The following GRSF1 variants were observed in gnomAD, a reference collection of about 807,000 sequenced individuals.
The protein encoded by GRSF1 is G-rich RNA sequence binding factor 1.
In GRSF1, 50 loss-of-function variants were observed where a neutral mutation model predicts 51.1. That is an observed-to-expected ratio of 0.98 (90% CI 0.78 to 1.24). The LOEUF (loss-of-function observed/expected upper bound fraction) is 1.24, where lower values mean the gene tolerates loss of function less well. Ranked by LOEUF, GRSF1 falls within the 50% of genes most tolerant of loss-of-function variation. GRSF1 has a pLI of 0.00. For synonymous variants in GRSF1, 293 were observed against 253.3 expected (o/e 1.16, Z -1.49); for missense variants, 700 against 639.7 (o/e 1.09, Z -1.02).
In GRSF1 at chr4:70,826,166, C is replaced by G. The variant is rs776525283; in HGVS notation, c.1215G>C (p.Met405Ile). ...CATTGGCTTGGAAAGGTAATCCTCT[C>G]ATGTGGACAAAATGCAGAGAAGACG... ...GTTSSLHFVH[M>I]RGLPFQANAQ... The change falls in exon 7 of 10, where the codon ATG becomes ATC. Residue 405 changes from methionine to isoleucine, a missense_variant. Transcript: ENST00000254799. 4.3e-6 allele frequency: 7 copies of G among 1,611,966 alleles called. No individual in the cohort carries two copies. The highest frequency in any genetic ancestry group is 5.9e-6 in the Non-Finnish European group (7 of 1,178,624).
At chr4:70,839,280 G>C (rs574054033) in intron 1 of GRSF1, 191 bp downstream of exon 1, 2 of 1,494,790 alleles carry the variant, frequency 1.3e-6, no homozygotes, top group South Asian at 1.2e-5. Context: ...CAGAAGACCC[G>C]ACGCCTGGGA....
At chr4:70,836,664 T>C (rs1217506740) in intron 1 of GRSF1, among the ~76,000 whole-genome samples, 5 of 152,130 alleles carry the variant, frequency 3.3e-5, no homozygotes, top group African/African-American at 1.2e-4. Context: ...TTTGCCGCCC[T>C]CATCTGAAAT....
intron 5 of GRSF1, among the ~76,000 whole-genome samples, chr4:70,828,894 C>T (rs1733843913): frequency 1.3e-5 from 2 of 152,048 alleles, no homozygotes; most frequent in African/African-American, 4.8e-5. Context: ...CCCGCCACCA[C>T]GCCCAGCTGA....
intron 6 of GRSF1, among the ~76,000 whole-genome samples, chr4:70,827,565 G>T (rs1024711961): frequency 1.3e-5 from 2 of 152,038 alleles, no homozygotes; most frequent in Non-Finnish European, 2.9e-5. Flanking sequence ...CTCACTTGAG[G>T]TCAAGAGTTC....
chr4:70,839,685 C>G lies in GRSF1; in HGVS notation c.143G>C (p.Arg48Pro). 1 of 1,442,638 alleles carries G rather than the reference C, an allele frequency of 6.9e-7. No individual in the cohort carries two copies. The highest frequency in any genetic ancestry group is 2.9e-5 in the Admixed American group (1 of 34,444). 89.4% of individuals were successfully genotyped at this position (1,442,638 alleles called of 1,614,324 possible). A position where few individuals can be genotyped will look rare whatever the true frequency, so the allele number is the denominator to read the frequency against. The change falls in exon 1 of 10, where the codon CGC becomes CCC. Residue 48 changes from arginine (R) to proline (P), a missense_variant. Transcript: ENST00000254799. ...GGCGGCCCCGAGCAGCAGCAGCAGG[C>G]GGCGGCGGCCCGAGACGCCCGACGG... The part of the protein sequence containing the change: ...SIPSGVSGRR[R>P]LLLLLGAAAA...
At chr4:70,825,939 A>AT (rs372803029) in intron 7 of GRSF1, 185 bp downstream of exon 7, 2 of 548,960 alleles carry the variant, frequency 3.6e-6, no homozygotes, top group African/African-American at 3.9e-5. Flanking sequence ...CACAAAAAAA[A>AT]GTAATACCAA....
intron 1 of GRSF1, among the ~76,000 whole-genome samples, chr4:70,836,617 C>T (rs564882426): frequency 6.6e-6 from 1 of 152,270 alleles, no homozygotes; most frequent in South Asian, 2.1e-4. Flanking sequence ...AAGGTCCTGA[C>T]AATTTGACAA....
chr4:70,838,904 G>T (rs2148848812), intron 1 of GRSF1: 1 of 335,596 alleles, frequency 3.0e-6, no homozygotes, highest in East Asian at 8.5e-5. Context: ...GTGACCTTCA[G>T]TAAACCGGGA....
chr4:70,829,871 G>GT (rs1733888970), intron 5 of GRSF1, among the ~76,000 whole-genome samples: 1 of 151,892 alleles, frequency 6.6e-6, no homozygotes, highest in Admixed American at 6.6e-5. Context: ...TGGAATGGCT[G>GT]TTTTGTTTAC....
chr4:70,838,383 G>T (rs1421153183), intron 1 of GRSF1, among the ~76,000 whole-genome samples: 2 of 152,084 alleles, frequency 1.3e-5, no homozygotes, highest in Non-Finnish European at 2.9e-5. Flanking sequence ...TTTTGTTGTG[G>T]TTTTTGTAGA....
At chr4:70,837,824 G>C (rs1734278769) in intron 1 of GRSF1, among the ~76,000 whole-genome samples, 1 of 150,420 alleles carries the variant, frequency 6.6e-6, no homozygotes, top group Non-Finnish European at 1.5e-5. Flanking sequence ...TTTTTTAGTA[G>C]ACACGGAGTT....
At chr4:70,829,309 G>C (rs1245610393) in intron 5 of GRSF1, among the ~76,000 whole-genome samples, 2 of 151,548 alleles carry the variant, frequency 1.3e-5, no homozygotes, top group Non-Finnish European at 2.9e-5. Flanking sequence ...TTTGAGCCTG[G>C]ACAACAAAGT....
Position 70,818,602 on chromosome 4 carries a change from A to G in GRSF1, c.*2285T>C, listed in dbSNP as rs1275162345. 6.6e-6 allele frequency: 1 copy of G among 152,116 alleles called. No individual in the cohort carries two copies. 9.4% of individuals were successfully genotyped at this position (152,116 alleles called of 1,614,324 possible). On this transcript the variant is annotated 3_prime_UTR_variant, in exon 10 of 10. Coordinates refer to ENST00000254799, the MANE Select transcript of GRSF1 (RefSeq NM_002092.4). ...TTCATTGCCTGGTGTCAATATTTAG[A>G]TGAGACCACAATATTCAGATGAGAC...
chr4:70,825,287 AG>A lies in GRSF1; in HGVS notation c.1393+8del, dbSNP rs1425118740. On this transcript the variant is annotated splice_region_variant and intron_variant, in intron 8 of 9. Transcript: ENST00000254799. ...AAAAATGACAACAAAAGCCAAAGGC[AG>A]GACTTACGAACGTGGGACCGATCCT... is the stretch of plus-strand genomic sequence containing the variant. The A allele has an allele frequency of 6.3e-7, 1 of 1,595,240 alleles. No individual in the cohort carries two copies. The highest frequency in any genetic ancestry group is 2.2e-5 in the East Asian group (1 of 44,556).
intron 9 of GRSF1, among the ~76,000 whole-genome samples, chr4:70,822,357 C>G (rs1006734554): frequency 1.3e-5 from 2 of 151,136 alleles, no homozygotes; most frequent in African/African-American, 2.4e-5. Flanking sequence ...CTGAGGCTAG[C>G]GGATCACTGG....
Position 70,818,050 on chromosome 4 carries a change from T to G in GRSF1, c.*2837A>C, listed in dbSNP as rs1733376618. The G allele has an allele frequency of 6.6e-6, 1 of 152,276 alleles. No individual in the cohort carries two copies. Among genetic ancestry groups the G allele is most frequent in the Non-Finnish European group, 1.5e-5 (1 of 68,104 alleles). 9.4% of individuals were successfully genotyped at this position (152,276 alleles called of 1,614,324 possible). ...ATGGAGTTTTTTGTATTTTGGTTTT[T>G]TTGATTTTGACAGAGTCTCACTCTG... is the stretch of plus-strand genomic sequence containing the variant. On this transcript the variant is annotated 3_prime_UTR_variant, in exon 10 of 10. Transcript: ENST00000254799.
Position 70,831,690 on chromosome 4 carries a change from AT to A in GRSF1, c.815-17del, listed in dbSNP as rs1733974132. On this transcript the variant is annotated splice_polypyrimidine_tract_variant and intron_variant, in intron 4 of 9. Transcript: ENST00000254799. ...ATATTCAGTCCTAGGACACCAAGAG[AT>A]TTTAATGCTACTAGCAGGCTTTTTT... is the stretch of plus-strand genomic sequence containing the variant. The A allele has an allele frequency of 1.3e-6, 2 of 1,596,930 alleles. No homozygotes were observed.
chr4:70,821,407 G>A (rs138053507), intron 9 of GRSF1, among the ~76,000 whole-genome samples: 1,569 of 148,270 alleles, frequency 0.011, 26 homozygotes, highest in African/African-American at 0.037. Flanking sequence ...CCTGGGCAAC[G>A]AGAGAAACTC....
Position 70,819,853 on chromosome 4 carries a change from T to C in GRSF1, c.*1034A>G, listed in dbSNP as rs1203508862. ...AATATTTAAATAACAAGCTGTTTAA[T>C]ATTAAAGCAGAAAGTACTGCCACAT... is the stretch of plus-strand genomic sequence containing the variant. On this transcript the variant is annotated 3_prime_UTR_variant, in exon 10 of 10. Transcript: ENST00000254799. 6.6e-6 allele frequency: 1 copy of C among 152,390 alleles called. No individual in the cohort carries two copies. The highest frequency in any genetic ancestry group is 2.1e-4 in the South Asian group (1 of 4,826). The allele number at this position is 152,390 out of a possible 1,614,324, so 9.4% of individuals were successfully genotyped here.
Sources: gnomAD v4.1 joint callset for allele counts (sites outside exome capture counted in the v4.1 genomes callset) on GRCh38, gnomAD v4.1.1 for gene constraint, MANE v1.5 for transcripts, NCBI Gene and HGNC (gene_info 2026-07-23, HGNC 2026-07-21) for gene names.